The following XRRA1 variants were observed in gnomAD, a reference collection of about 807,000 sequenced individuals.
XRRA1 encodes X-ray radiation resistance associated 1.
In XRRA1, 69 loss-of-function variants were observed where a neutral mutation model predicts 80.2. The ratio of observed to expected loss-of-function variants is 0.86; its 90% CI spans 0.71 to 1.05. The LOEUF is 1.05. Ranked by LOEUF, XRRA1 falls within the 50% of genes least tolerant of loss-of-function variation. XRRA1 has a pLI of 0.00. For synonymous variants in XRRA1, 348 were observed against 389.9 expected (o/e 0.89, Z 1.27); for missense variants, 967 against 976.4 (o/e 0.99, Z 0.13).
intron 13 of XRRA1, 22 bp downstream of exon 13, chr11:74,851,967 G>A (rs1287525627): frequency 6.2e-7 from 1 of 1,604,368 alleles, no homozygotes; most frequent in East Asian, 2.2e-5. Context: ...GTTGAGAGGG[G>A]GCAGGTTTGC....
chr11:74,925,078 G>A (rs1417984956), intron 7 of XRRA1, among the ~76,000 whole-genome samples: 1 of 152,164 alleles, frequency 6.6e-6, no homozygotes, highest in Non-Finnish European at 1.5e-5. Context: ...GCTTTCTATA[G>A]AATTAAGGGC....
At chr11:74,853,298 AGT>A (rs1166961149) in intron 12 of XRRA1, among the ~76,000 whole-genome samples, 3 of 152,186 alleles carry the variant, frequency 2.0e-5, no homozygotes, top group Admixed American at 2.0e-4. Flanking sequence ...TGAGGCATGG[AGT>A]GTGTGGTAGA....
chr11:74,885,752 A>G (rs759255026), intron 10 of XRRA1, among the ~76,000 whole-genome samples: 1 of 152,024 alleles, frequency 6.6e-6, no homozygotes, highest in Non-Finnish European at 1.5e-5. Context: ...CACCAGAGAC[A>G]CAACAACAAC....
intron 6 of XRRA1, among the ~76,000 whole-genome samples, chr11:74,929,334 C>T (rs894741624): frequency 1.3e-5 from 2 of 152,246 alleles, no homozygotes; most frequent in South Asian, 2.1e-4. Flanking sequence ...TTGTCACAAT[C>T]CTGGCTCAGG....
chr11:74,891,498 C>T (rs1591104722), intron 10 of XRRA1, among the ~76,000 whole-genome samples: 1 of 152,298 alleles, frequency 6.6e-6, no homozygotes, highest in Middle Eastern at 3.4e-3. Context: ...TGGCACAAGA[C>T]AGGGAAGCCC....
At chr11:74,867,771 T>C (rs531979736) in intron 10 of XRRA1, among the ~76,000 whole-genome samples, 2 of 152,012 alleles carry the variant, frequency 1.3e-5, no homozygotes, top group East Asian at 3.9e-4. Flanking sequence ...AGAAACATAG[T>C]AATTGGATTC....
At chr11:74,874,114 TATTCCCAGCTACCCAGGAGGCTGAG>T (rs2045512273) in intron 10 of XRRA1, among the ~76,000 whole-genome samples, 1 of 151,368 alleles carries the variant, frequency 6.6e-6, no homozygotes, top group Non-Finnish European at 1.5e-5. Context: ...CACACGCCTG[TATTCCCAGCTACCCAGGAGGCTGAG>T]ACAGGAGAAT....
At chr11:74,856,057 G>A (rs535982682) in intron 12 of XRRA1, among the ~76,000 whole-genome samples, 30 of 152,258 alleles carry the variant, frequency 2.0e-4, no homozygotes, top group African/African-American at 5.5e-4. Flanking sequence ...GCTTGAACCC[G>A]GGAGGTGGAG....
In XRRA1 at chr11:74,859,138, GGA is replaced by G. The variant is rs776256904; in HGVS notation, c.1170+18_1170+19del. On this transcript the variant is annotated intron_variant, in intron 12 of 18. Transcript: ENST00000684022. ...TCCCATCTGTGCCCCTGAGTAAACA[GGA>G]GAGGAGCAGAAAGTCACCTTGTTGT... 4.4e-6 allele frequency: 7 copies of G among 1,584,036 alleles called. No homozygotes were observed. The highest frequency in any genetic ancestry group is 6.0e-6 in the Non-Finnish European group (7 of 1,171,034).
intron 10 of XRRA1, 190 bp from the exon 11 acceptor site, chr11:74,863,211 T>C (rs2042680433): frequency 1.5e-6 from 1 of 646,984 alleles, no homozygotes; most frequent in Non-Finnish European, 2.8e-6. Context: ...ATAAGTCCCT[T>C]TGCACTTAGG....
chr11:74,926,552 C>T (rs3944290), intron 7 of XRRA1, among the ~76,000 whole-genome samples: 3,643 of 152,308 alleles, frequency 0.024, 132 homozygotes, highest in African/African-American at 0.083. Context: ...AGCCCACACA[C>T]GTGGCTCCAC....
chr11:74,891,434 C>G (rs1180566453), intron 10 of XRRA1, among the ~76,000 whole-genome samples: 2 of 152,108 alleles, frequency 1.3e-5, no homozygotes, highest in Non-Finnish European at 2.9e-5. Flanking sequence ...ATGACAAACC[C>G]ACAGCCAATA....
In XRRA1 at chr11:74,843,314, G is replaced by T. The variant is rs772030172; in HGVS notation, c.2289C>A (p.Thr763=). 6.2e-7 allele frequency: 1 copy of T among 1,605,356 alleles called. No homozygotes were observed. The highest frequency in any genetic ancestry group is 8.5e-7 in the Non-Finnish European group (1 of 1,176,284). The stretch of plus-strand genomic sequence containing the variant: ...GCGCTGGGCAGGCCATGGGGAGCGG[G>T]GTAGTCCCGAACACTGTGCGCAGAG... ...SGSLRTVFGT[T]PLPMACPALS... The change falls in exon 19 of 19, where the codon ACC becomes ACA. Residue 763 remains threonine (T), a synonymous_variant. Transcript: ENST00000684022.
chr11:74,854,453 G>C (rs1445121681), intron 12 of XRRA1, among the ~76,000 whole-genome samples: 1 of 152,162 alleles, frequency 6.6e-6, no homozygotes, highest in Non-Finnish European at 1.5e-5. Context: ...TTCTGTTGCA[G>C]CTATTCAATT....
intron 10 of XRRA1, among the ~76,000 whole-genome samples, chr11:74,896,214 C>T (rs1763120825): frequency 6.6e-6 from 1 of 152,224 alleles, no homozygotes; most frequent in Non-Finnish European, 1.5e-5. Context: ...AAGCAACAAG[C>T]AGCCTCTTAA....
chr11:74,947,238 G>C (rs781121228), intron 1 of XRRA1, among the ~76,000 whole-genome samples: 4 of 152,158 alleles, frequency 2.6e-5, no homozygotes, highest in African/African-American at 4.8e-5. Flanking sequence ...TGAAAGATGA[G>C]AAGTTGGCCT....
At chr11:74,932,693 G>A (rs909208007) in intron 5 of XRRA1, among the ~76,000 whole-genome samples, 7 of 152,336 alleles carry the variant, frequency 4.6e-5, no homozygotes, top group Middle Eastern at 6.8e-3. Context: ...TTGTCTCACC[G>A]TTATATGTGA....
At chr11:74,873,210 A>G (rs2045275595) in intron 10 of XRRA1, among the ~76,000 whole-genome samples, 1 of 152,208 alleles carries the variant, frequency 6.6e-6, no homozygotes, top group Non-Finnish European at 1.5e-5. Context: ...AGGGGCTAGA[A>G]GCCATTATTA....
intron 10 of XRRA1, among the ~76,000 whole-genome samples, chr11:74,871,511 G>C (rs2044761949): frequency 6.6e-6 from 1 of 152,138 alleles, no homozygotes; most frequent in Non-Finnish European, 1.5e-5. Context: ...TGCATGCACT[G>C]GACAATCAAC....
Sources: allele counts gnomAD v4.1 joint callset (sites outside exome capture counted in the v4.1 genomes callset), GRCh38; gene constraint gnomAD v4.1.1; transcripts MANE v1.5; gene names NCBI Gene and HGNC (gene_info 2026-07-23, HGNC 2026-07-21).